VPS13B: variants seen among roughly 807,000 people sequenced by gnomAD.
The protein encoded by VPS13B is vacuolar protein sorting 13 homolog B, also known as intermembrane lipid transfer protein VPS13B.
A neutral mutation model predicts 426.4 loss-of-function variants in VPS13B; 285 were observed. The ratio of observed to expected loss-of-function variants is 0.67; its 90% confidence interval spans 0.61 to 0.74. The LOEUF (loss-of-function observed/expected upper bound fraction) is 0.74, where lower values mean the gene tolerates loss of function less well. Among genes scored for constraint, VPS13B ranks in the 30% least tolerant of loss-of-function variants. The pLI, the probability that VPS13B is intolerant of heterozygous loss-of-function variation, is 0.00. For missense variants in VPS13B, 4,537 were observed against 4,782.6 expected, an observed-to-expected ratio of 0.95 and a Z score of 1.51; for synonymous variants, 1,676 against 1,676.4, an observed-to-expected ratio of 1.00 and a Z score of 0.01.
At chr8:99,715,961 T>C (rs1479852965) in intron 36 of VPS13B, among the ~76,000 whole-genome samples, 1 of 152,174 alleles carries the variant, frequency 6.6e-6, no homozygotes, top group Non-Finnish European at 1.5e-5. Context: ...GGCCTGTTTC[T>C]ATTTCTTTTA....
In VPS13B at chr8:99,757,149, T is replaced by C. The variant is rs1388627437; in HGVS notation, c.7051-9625T>C. 2.6e-5 allele frequency among the ~76,000 whole-genome samples: 4 copies of C among 152,216 alleles called. No homozygotes were observed. In the East Asian group the frequency reaches 7.7e-4, roughly 29 times the overall value. ...ATATATAGCTGTTCTTCTGCTATAA[T>C]TACCCAATTTGGCACCCTGGGAAGT... On this transcript the variant is annotated intron_variant, in intron 39 of 61. Coordinates refer to ENST00000357162, the MANE Select transcript of VPS13B (RefSeq NM_152564.5).
intron 31 of VPS13B, among the ~76,000 whole-genome samples, chr8:99,573,236 C>G (rs566872061): frequency 6.6e-6 from 1 of 152,196 alleles, no homozygotes; most frequent in Admixed American, 6.5e-5. Context: ...AAATTTTCTC[C>G]CATTCTGTAG....
At chr8:99,284,734 G>GTGTGTA (rs112069581) in intron 19 of VPS13B, among the ~76,000 whole-genome samples, 26 of 150,690 alleles carry the variant, frequency 1.7e-4, no homozygotes, top group East Asian at 3.9e-4. Flanking sequence ...GTGTGTGTGT[G>GTGTGTA]TGTTTTTGTA....
At chr8:99,708,390 T>A (rs943477590) in intron 36 of VPS13B, among the ~76,000 whole-genome samples, 2 of 152,164 alleles carry the variant, frequency 1.3e-5, no homozygotes, top group Non-Finnish European at 2.9e-5. Context: ...ACAATGGCCA[T>A]GTGTGAGTAG....
At chr8:99,545,949 T>C (rs1823948303) in intron 30 of VPS13B, among the ~76,000 whole-genome samples, 1 of 152,092 alleles carries the variant, frequency 6.6e-6, no homozygotes, top group African/African-American at 2.4e-5. Context: ...TTGATACTTT[T>C]CCTTAAAGAA....
At chr8:99,400,952 G>A (rs1174759200) in intron 21 of VPS13B, among the ~76,000 whole-genome samples, 3 of 152,130 alleles carry the variant, frequency 2.0e-5, no homozygotes, top group African/African-American at 4.8e-5. Context: ...TATTACAGGC[G>A]TTAGCCATTG....
intron 40 of VPS13B, among the ~76,000 whole-genome samples, chr8:99,768,369 C>A (rs2130629007): frequency 6.6e-6 from 1 of 152,308 alleles, no homozygotes; most frequent in South Asian, 2.1e-4. Flanking sequence ...TCTTTTTGCC[C>A]ATATGTGTAC....
At chr8:99,084,619 C>T (rs1429876105) in intron 3 of VPS13B, among the ~76,000 whole-genome samples, 1 of 152,182 alleles carries the variant, frequency 6.6e-6, no homozygotes, top group African/African-American at 2.4e-5. Flanking sequence ...CTACACACTG[C>T]TTTGAATGTG....
Position 99,103,057 on chromosome 8 carries a change from A to G in VPS13B, c.517A>G (p.Ile173Val). Residue 173 changes from isoleucine to valine, a missense_variant, in exon 5 of 62, where the codon ATC becomes GTC. Transcript: ENST00000357162. ...AGATGATATCGTCCTTTCCGTCAAT[A>G]TCACTTCTGCAGAATGTTATACAGT... ...VEDDIVLSVN[I>V]TSAECYTVGE... 6.2e-7 allele frequency: 1 copy of G among 1,614,038 alleles called. No homozygotes were observed. The highest frequency in any genetic ancestry group is 1.1e-5 in the South Asian group (1 of 91,082).
In VPS13B at chr8:99,668,256, C is replaced by G. The variant is rs147103261; in HGVS notation, c.6046+6765C>G. 4.6e-5 allele frequency among the ~76,000 whole-genome samples: 7 copies of G among 150,876 alleles called. No homozygotes were observed. In the East Asian group the frequency reaches 1.4e-3, roughly 29 times the overall value. ...CTGTAGTCCTTGCTACTCAGAGAGC[C>G]GAGGTGGGAGGATTGCTTGAGCCCA... On this transcript the variant is annotated intron_variant, in intron 35 of 61. Coordinates refer to ENST00000357162, the MANE Select transcript of VPS13B (RefSeq NM_152564.5).
intron 34 of VPS13B, among the ~76,000 whole-genome samples, chr8:99,646,608 T>C (rs941099832): frequency 3.3e-5 from 5 of 152,208 alleles, no homozygotes. Flanking sequence ...TGTATGATTG[T>C]ATGATTTGGT....
intron 33 of VPS13B, among the ~76,000 whole-genome samples, chr8:99,587,172 A>G (rs1826347117): frequency 6.6e-6 from 1 of 152,208 alleles, no homozygotes; most frequent in African/African-American, 2.4e-5. Flanking sequence ...TCACAGCTGC[A>G]TAGTATTCCA....
At chr8:99,873,363 G>C (rs772588892) in intron 61 of VPS13B, 3 of 152,154 alleles carry the variant, frequency 2.0e-5, no homozygotes, top group Non-Finnish European at 4.4e-5. Flanking sequence ...CCTAAAAGTT[G>C]CTGAGATTAT....
At chr8:99,349,096 G>A (rs1811712237) in intron 19 of VPS13B, among the ~76,000 whole-genome samples, 1 of 151,328 alleles carries the variant, frequency 6.6e-6, no homozygotes, top group Admixed American at 6.6e-5. Flanking sequence ...CACTTTGGGA[G>A]GCCGAGGCGG....
intron 31 of VPS13B, among the ~76,000 whole-genome samples, chr8:99,558,458 G>T (rs999761171): frequency 6.6e-6 from 1 of 151,988 alleles, no homozygotes; most frequent in African/African-American, 2.4e-5. Flanking sequence ...TGTGCACAAC[G>T]TGCAGGTTTC....
intron 19 of VPS13B, chr8:99,347,419 A>G: frequency 5.8e-6 from 1 of 173,618 alleles, no homozygotes; most frequent in Admixed American, 5.5e-5. Context: ...CCTTGATTTT[A>G]TCTTGGATTG....
At chr8:99,438,506 C>G (rs1817517760) in intron 22 of VPS13B, among the ~76,000 whole-genome samples, 1 of 152,206 alleles carries the variant, frequency 6.6e-6, no homozygotes, top group South Asian at 2.1e-4. Context: ...AAGTGACAGC[C>G]ATTGCATGGC....
At chr8:99,447,903 C>T (rs1364349605) in intron 23 of VPS13B, among the ~76,000 whole-genome samples, 1 of 151,366 alleles carries the variant, frequency 6.6e-6, no homozygotes, top group Admixed American at 6.6e-5. Flanking sequence ...ATAAAAGGAC[C>T]GATATATAGT....
intron 29 of VPS13B, among the ~76,000 whole-genome samples, chr8:99,512,589 C>T (rs2133641016): frequency 6.6e-6 from 1 of 152,246 alleles, no homozygotes; most frequent in South Asian, 2.1e-4. Context: ...GGGAGATTGT[C>T]AAACTGTTTT....
Sources: allele counts gnomAD v4.1 joint callset (sites outside exome capture counted in the v4.1 genomes callset), GRCh38; gene constraint gnomAD v4.1.1; transcripts MANE v1.5; gene names NCBI Gene and HGNC (gene_info 2026-07-23, HGNC 2026-07-21).